SCHIP1: variants seen among roughly 807,000 people sequenced by gnomAD.
The protein encoded by SCHIP1 is schwannomin-interacting protein 1.
SCHIP1 carries 8 observed loss-of-function variants against 29.7 expected under a neutral mutation model. That is an observed-to-expected ratio of 0.27 (90% CI 0.16 to 0.49). SCHIP1 has a LOEUF of 0.49. Among genes scored for constraint, SCHIP1 ranks in the 20% least tolerant of loss-of-function variants. SCHIP1 has a pLI of 0.99. For synonymous variants in SCHIP1, 76 were observed against 94.9 expected, an observed-to-expected ratio of 0.80 and a Z score of 1.16; for missense variants, 193 against 294.6, an observed-to-expected ratio of 0.66 and a Z score of 2.52.
chr3:159,726,985 G>A, the SCHIP1 span, among the ~76,000 whole-genome samples: 1 of 152,158 alleles, frequency 6.6e-6, no homozygotes, highest in Non-Finnish European at 1.5e-5. Flanking sequence ...TGGAAACATA[G>A]GAGAGGAAGC....
the SCHIP1 span, among the ~76,000 whole-genome samples, chr3:159,409,038 A>G: frequency 1.3e-5 from 2 of 152,188 alleles, no homozygotes; most frequent in Non-Finnish European, 2.9e-5. Flanking sequence ...GACAAAAACC[A>G]TATGATCATT....
the SCHIP1 span, among the ~76,000 whole-genome samples, chr3:159,793,672 C>G: frequency 2.0e-5 from 3 of 152,124 alleles, no homozygotes; most frequent in African/African-American, 7.2e-5. Flanking sequence ...ATTCTCGTGC[C>G]TCAGCCTCCC....
At chr3:159,289,215 C>T in the SCHIP1 span, among the ~76,000 whole-genome samples, 1 of 152,194 alleles carries the variant, frequency 6.6e-6, no homozygotes, top group East Asian at 1.9e-4. Context: ...CCACAAAGCA[C>T]CCAGTGTGAA....
chr3:159,757,086 C>A, the SCHIP1 span, among the ~76,000 whole-genome samples: 1 of 152,370 alleles, frequency 6.6e-6, no homozygotes, highest in African/African-American at 2.4e-5. Context: ...TCCAAAGTCC[C>A]TTCCACATTT....
At chr3:159,362,282 AGTTAGGAATCATCCAAATT>A in the SCHIP1 span, among the ~76,000 whole-genome samples, 1 of 152,168 alleles carries the variant, frequency 6.6e-6, no homozygotes, top group South Asian at 2.1e-4. Context: ...CTGGATTTAG[AGTTAGGAATCATCCAAATT>A]TTACTGAAAA....
At chr3:159,394,741 A>C in the SCHIP1 span, among the ~76,000 whole-genome samples, 1 of 152,200 alleles carries the variant, frequency 6.6e-6, no homozygotes. Context: ...GGATTTTTGC[A>C]TCAATATTCA....
the SCHIP1 span, among the ~76,000 whole-genome samples, chr3:159,606,657 C>A: frequency 4.9e-4 from 74 of 152,234 alleles, no homozygotes; most frequent in African/African-American, 1.5e-3. Flanking sequence ...CTGTTACCAC[C>A]CAGGCCTGAG....
chr3:159,321,740 C>T, the SCHIP1 span, among the ~76,000 whole-genome samples: 3,918 of 151,768 alleles, frequency 0.026, 169 homozygotes, highest in African/African-American at 0.089. Context: ...TTAAATAAAT[C>T]TGTACTATTT....
chr3:159,716,075 AAG>A, the SCHIP1 span, among the ~76,000 whole-genome samples: 1 of 152,222 alleles, frequency 6.6e-6, no homozygotes, highest in African/African-American at 2.4e-5. Context: ...TACAAGCCAG[AAG>A]AGAGTGAGGG....
the SCHIP1 span, among the ~76,000 whole-genome samples, chr3:159,713,206 A>AAGAGAG: frequency 2.1e-5 from 3 of 140,434 alleles, no homozygotes; most frequent in Non-Finnish European, 4.6e-5. Flanking sequence ...GAAAGAAAGA[A>AAGAGAG]AGAGAGAGAG....
At chr3:159,581,193 T>C in the SCHIP1 span, among the ~76,000 whole-genome samples, 3 of 152,154 alleles carry the variant, frequency 2.0e-5, no homozygotes, top group African/African-American at 7.2e-5. Flanking sequence ...CTAAAAATCC[T>C]AGGCATTATA....
At chr3:159,512,635 A>G in the SCHIP1 span, among the ~76,000 whole-genome samples, 3 of 152,248 alleles carry the variant, frequency 2.0e-5, no homozygotes, top group African/African-American at 4.8e-5. Flanking sequence ...ATACAGACAT[A>G]CAAGGTGAAA....
At chr3:159,525,956 A>G in the SCHIP1 span, among the ~76,000 whole-genome samples, 1 of 152,206 alleles carries the variant, frequency 6.6e-6, no homozygotes, top group South Asian at 2.1e-4. Flanking sequence ...GTATTTATTT[A>G]ATTCCTTGTA....
chr3:159,506,179 G>A, the SCHIP1 span, among the ~76,000 whole-genome samples: 1 of 152,164 alleles, frequency 6.6e-6, no homozygotes, highest in Non-Finnish European at 1.5e-5. Context: ...GTGTGAGATG[G>A]TATCTCATTG....
At chr3:159,705,143 T>C in the SCHIP1 span, among the ~76,000 whole-genome samples, 1 of 152,172 alleles carries the variant, frequency 6.6e-6, no homozygotes, top group East Asian at 1.9e-4. Context: ...TTTGTATTTT[T>C]AGCAGAGACA....
chr3:159,371,192 A>G, the SCHIP1 span, among the ~76,000 whole-genome samples: 2 of 152,210 alleles, frequency 1.3e-5, no homozygotes, highest in Non-Finnish European at 2.9e-5. Flanking sequence ...GAATGAGTAG[A>G]TGAATTAATA....
the SCHIP1 span, among the ~76,000 whole-genome samples, chr3:159,622,601 C>T: frequency 6.6e-6 from 1 of 152,114 alleles, no homozygotes; most frequent in Non-Finnish European, 1.5e-5. Flanking sequence ...CTTAATAATA[C>T]AAATTACAAT....
chr3:159,397,340 C>G, the SCHIP1 span, among the ~76,000 whole-genome samples: 1 of 152,336 alleles, frequency 6.6e-6, no homozygotes, highest in East Asian at 1.9e-4. Flanking sequence ...CATTCTCCGT[C>G]CAGCTTTGTT....
chr3:159,805,896 C>T, the SCHIP1 span, among the ~76,000 whole-genome samples: 3 of 151,672 alleles, frequency 2.0e-5, no homozygotes, highest in African/African-American at 7.3e-5. Flanking sequence ...GCAACCTCCG[C>T]CTCCCAGGTT....
Sources: allele counts gnomAD v4.1 joint callset (sites outside exome capture counted in the v4.1 genomes callset), GRCh38; gene constraint gnomAD v4.1.1; transcripts MANE v1.5; gene names NCBI Gene and HGNC (gene_info 2026-07-23, HGNC 2026-07-21).